Variants in ZNF184 observed in about 807,000 individuals in gnomAD.
ZNF184 encodes the protein zinc finger protein 184 (Kruppel-like).
In ZNF184, 16 loss-of-function variants were observed where a neutral mutation model predicts 54.4. The ratio of observed to expected loss-of-function variants is 0.29; its 90% confidence interval spans 0.20 to 0.45. The LOEUF (loss-of-function observed/expected upper bound fraction) is 0.45. Among genes scored for constraint, ZNF184 ranks in the 20% least tolerant of loss-of-function variants. The pLI is 1.00. For missense variants in ZNF184, 681 were observed against 888.2 expected (o/e 0.77, Z 2.97); for synonymous variants, 254 against 295.3 (o/e 0.86, Z 1.43).
At chr6:27,441,541 C>T in the ZNF184 span, among the ~76,000 whole-genome samples, 1 of 152,112 alleles carries the variant, frequency 6.6e-6, no homozygotes, top group Non-Finnish European at 1.5e-5. Flanking sequence ...GCTGACTCTA[C>T]CACTTTCTAT....
chr6:27,423,738 G>C, the ZNF184 span, among the ~76,000 whole-genome samples: 2 of 152,148 alleles, frequency 1.3e-5, no homozygotes, highest in Non-Finnish European at 2.9e-5. Flanking sequence ...TATATACAAA[G>C]AAAGATTATG....
chr6:27,451,862 G>A lies in ZNF184; in HGVS notation c.1697C>T (p.Thr566Ile). The A allele has an allele frequency of 3.1e-6, 5 of 1,612,692 alleles. No individual in the cohort carries two copies. Among genetic ancestry groups the A allele is most frequent in the Non-Finnish European group, 4.2e-6 (5 of 1,180,006 alleles). The change falls in exon 6 of 6, where the codon ACC becomes ATC. Residue 566 changes from threonine to isoleucine, a missense_variant. Physicochemically the swap from Thr to Ile is moderately conservative, Grantham distance 89. Transcript: ENST00000683788. ...AATAAGGGATGAACCATAACTGAAGGTTTTCCCACATTCATGACACTGATA... is the reference window on the plus strand; with the variant it reads ...AATAAGGGATGAACCATAACTGAAGATTTTCCCACATTCATGACACTGATA... ...KPYQCHECGK[T>I]FSYGSSLIQH...
the ZNF184 span, among the ~76,000 whole-genome samples, chr6:27,429,647 A>T: frequency 6.6e-6 from 1 of 152,060 alleles, no homozygotes; most frequent in African/African-American, 2.4e-5. Context: ...ACTGTGCCTC[A>T]TTTCCTTACA....
chr6:27,409,991 T>TGTATTACATTTGTATCA, the ZNF184 span, among the ~76,000 whole-genome samples: 19 of 152,226 alleles, frequency 1.2e-4, no homozygotes, highest in African/African-American at 4.3e-4. Context: ...ACACAAATAT[T>TGTATTACATTTGTATCA]TACCATTGTA....
At position 27,457,295 on chromosome 6, in the gene ZNF184, G is replaced by A; in HGVS notation, c.190C>T (p.Leu64=). ...RDVTLENYTH[L]VSIGLQVSKP... is the part of the protein sequence containing the mutation. Reference sequence around the variant, plus strand: ...AAATTATCCTTACCTATAGAGACCAGGTGTGTATAATTTTCCAATGTCACA... The same window carrying A: ...AAATTATCCTTACCTATAGAGACCAAGTGTGTATAATTTTCCAATGTCACA... The change falls in exon 4 of 6, where the codon CTG becomes TTG. Residue 64 remains leucine, a synonymous_variant. Transcript: ENST00000683788. The A allele has an allele frequency of 6.2e-7, 1 of 1,613,968 alleles. No homozygotes were observed. Among genetic ancestry groups the A allele is most frequent in the Non-Finnish European group, 8.5e-7 (1 of 1,179,942 alleles).
At chr6:27,421,133 A>C in the ZNF184 span, among the ~76,000 whole-genome samples, 3 of 152,246 alleles carry the variant, frequency 2.0e-5, no homozygotes, top group African/African-American at 7.2e-5. Flanking sequence ...TAAGTCAGTG[A>C]AACTACTCTG....
At chr6:27,456,802 C>T (rs747492510) in intron 5 of ZNF184, 24 bp downstream of exon 5, 3 of 1,595,578 alleles carry the variant, frequency 1.9e-6, no homozygotes, top group Non-Finnish European at 2.6e-6. Context: ...TAATGATATT[C>T]ATCTGCTGGC....
At chr6:27,428,393 G>T in the ZNF184 span, among the ~76,000 whole-genome samples, 1 of 152,112 alleles carries the variant, frequency 6.6e-6, no homozygotes, top group Non-Finnish European at 1.5e-5. This position sits in a 1 kb window ranked among gnomAD's most constrained non-coding sequence, Gnocchi z 4.1. Context: ...ACGTTTATTG[G>T]AATCTCCCTT....
the ZNF184 span, chr6:27,405,969 C>T: frequency 1.3e-5 from 2 of 152,206 alleles, no homozygotes; most frequent in South Asian, 4.1e-4. Context: ...CTTATGTCAT[C>T]AGAAGGGCTG....
At chr6:27,415,629 C>A in the ZNF184 span, among the ~76,000 whole-genome samples, 1 of 152,214 alleles carries the variant, frequency 6.6e-6, no homozygotes, top group East Asian at 1.9e-4. Flanking sequence ...TGGAACGTTT[C>A]TTACCTCAGA....
chr6:27,472,177 T>A lies in ZNF184; in HGVS notation c.7+111A>T. 7 of 1,454,650 alleles carry A rather than the reference T, an allele frequency of 4.8e-6. 1 individual carries two copies. The highest frequency in any genetic ancestry group is 6.6e-6 in the Non-Finnish European group (7 of 1,052,946). The allele number at this position is 1,454,650 out of a possible 1,614,324, so 90.1% of individuals were successfully genotyped here. On this transcript the variant is annotated intron_variant, in intron 2 of 5. Coordinates refer to ENST00000683788, the MANE Select transcript of ZNF184 (RefSeq NM_001318891.2). The surrounding 1 kb of genome is among the most constrained non-coding windows in gnomAD (Gnocchi z 4.8). ...CGGTTTCTTTGCTAATCCCTAAGCA[T>A]ACCGTTCCTTCCTTCCAAATCTCCT...
At position 27,469,660 on chromosome 6, in the gene ZNF184, T is replaced by G. The variant is rs561505715; in HGVS notation, c.8-1740A>C. ...TGTCTCAAAAACAAAAAAAAAAAAT[T>G]TGAATGAGACATGAGGTATGAAATA... On this transcript the variant is annotated intron_variant, in intron 2 of 5. Coordinates refer to ENST00000683788, the MANE Select transcript of ZNF184 (RefSeq NM_001318891.2). 2.6e-5 allele frequency among the ~76,000 whole-genome samples: 4 copies of G among 151,274 alleles called. No homozygotes were observed. In the South Asian group the frequency reaches 8.4e-4, roughly 32 times the overall value.
chr6:27,424,188 C>T, the ZNF184 span, among the ~76,000 whole-genome samples: 7 of 152,166 alleles, frequency 4.6e-5, no homozygotes, highest in African/African-American at 9.7e-5. Context: ...GCTCTTAAGG[C>T]ACCGCGTCTG....
chr6:27,420,133 C>T, the ZNF184 span, among the ~76,000 whole-genome samples: 2 of 152,202 alleles, frequency 1.3e-5, no homozygotes, highest in Non-Finnish European at 2.9e-5. Context: ...AGTCTTGATA[C>T]TCTACATATT....
the ZNF184 span, among the ~76,000 whole-genome samples, chr6:27,431,095 A>C: frequency 6.6e-6 from 1 of 152,194 alleles, no homozygotes; most frequent in Non-Finnish European, 1.5e-5. Context: ...TTATTTCACC[A>C]ATAGACCCAT....
At chr6:27,462,617 C>A (rs1420721897) in intron 3 of ZNF184, among the ~76,000 whole-genome samples, 2 of 151,580 alleles carry the variant, frequency 1.3e-5, no homozygotes, top group African/African-American at 4.8e-5. Flanking sequence ...GTAATCCCAG[C>A]ACTTTGGGAG....
At chr6:27,436,175 T>G in the ZNF184 span, among the ~76,000 whole-genome samples, 215 of 152,048 alleles carry the variant, frequency 1.4e-3, no homozygotes, top group African/African-American at 4.9e-3. Context: ...GTGTTTTTTT[T>G]GTTGTTGTTT....
chr6:27,445,573 C>T, the ZNF184 span, among the ~76,000 whole-genome samples: 1 of 152,156 alleles, frequency 6.6e-6, no homozygotes. Context: ...TCCCTTGCCA[C>T]ATGATGCCTT....
the ZNF184 span, among the ~76,000 whole-genome samples, chr6:27,424,134 C>G: frequency 6.6e-6 from 1 of 152,156 alleles, no homozygotes; most frequent in Non-Finnish European, 1.5e-5. Context: ...CGTGGTCTCC[C>G]TGGCTCAGAA....
Sources: gnomAD v4.1 joint callset for allele counts (sites outside exome capture counted in the v4.1 genomes callset) on GRCh38, gnomAD v4.1.1 for gene constraint, Gnocchi (gnomAD v3.1) non-coding constraint, MANE v1.5 for transcripts, NCBI Gene and HGNC (gene_info 2026-07-23, HGNC 2026-07-21) for gene names.